The following RTF2 variants were observed in gnomAD, a reference collection of about 807,000 sequenced individuals.
The protein encoded by RTF2 is replication termination factor 2.
In RTF2, 18 loss-of-function variants were observed where a neutral mutation model predicts 38.0. That is an observed-to-expected ratio of 0.47 (90% confidence interval 0.33 to 0.70). The LOEUF is 0.70. Among genes scored for constraint, RTF2 ranks in the 30% least tolerant of loss-of-function variants. RTF2 has a pLI of 0.02. For synonymous variants in RTF2, 126 were observed against 137.1 expected, an observed-to-expected ratio of 0.92 and a Z score of 0.57; for missense variants, 311 against 379.6, an observed-to-expected ratio of 0.82 and a Z score of 1.50.
intron 5 of RTF2, among the ~76,000 whole-genome samples, chr20:56,511,926 G>A (rs534863549): frequency 5.9e-5 from 9 of 151,984 alleles, no homozygotes; most frequent in Admixed American, 1.3e-4. Flanking sequence ...CCTGCCTCTC[G>A]GGTTCAAGCG....
intron 4 of RTF2, among the ~76,000 whole-genome samples, chr20:56,479,282 G>A (rs574357665): frequency 2.1e-4 from 32 of 152,274 alleles, no homozygotes; most frequent in African/African-American, 7.2e-4. Flanking sequence ...CTGGAGTGCA[G>A]TGGCACAATC....
Position 56,518,377 on chromosome 20 carries a change from T to A in RTF2, c.*112T>A, listed in dbSNP as rs1985186103. On this transcript the variant is annotated 3_prime_UTR_variant, in exon 9 of 9. Coordinates refer to ENST00000357348, the MANE Select transcript of RTF2 (RefSeq NM_016407.5). ...GTGTTCTCTCTATAGTTCTGTGTCA[T>A]AAAGCTGTCCTGGCCAGCCTTCAAG... 8.8e-7 allele frequency: 1 copy of A among 1,135,682 alleles called. No individual in the cohort carries two copies. Among genetic ancestry groups the A allele is most frequent in the Non-Finnish European group, 1.2e-6 (1 of 806,568 alleles). The allele number at this position is 1,135,682 out of a possible 1,614,324, so 70.4% of individuals were successfully genotyped here.
At position 56,469,440 on chromosome 20, in the gene RTF2, G is replaced by A. The variant is rs546304950; in HGVS notation, c.69+674G>A. On this transcript the variant is annotated intron_variant, in intron 1 of 8. Transcript: ENST00000357348. Reference sequence around the variant, plus strand: ...TTATAATAATTTCTTTGCTACTGACGGGGACATTGAGTCCAGGGATATTAA... The same window carrying A: ...TTATAATAATTTCTTTGCTACTGACAGGGACATTGAGTCCAGGGATATTAA... Among the ~76,000 whole-genome samples, 3 of 152,272 alleles carry A rather than the reference G, an allele frequency of 2.0e-5. No individual in the cohort carries two copies. In the East Asian group the frequency reaches 5.8e-4, roughly 29 times the overall value.
intron 1 of RTF2, among the ~76,000 whole-genome samples, chr20:56,472,573 C>CT (rs1217091257): frequency 1.6e-5 from 2 of 122,532 alleles, no homozygotes; most frequent in Non-Finnish European, 3.3e-5. Flanking sequence ...TTGTTCTGAA[C>CT]TTTAAAAAAA....
intron 1 of RTF2, 81 bp downstream of exon 1, chr20:56,468,847 G>T: frequency 8.4e-7 from 1 of 1,196,662 alleles, no homozygotes; most frequent in Non-Finnish European, 1.2e-6. Flanking sequence ...AGTAAGAAGG[G>T]GGAGCCAGCG....
chr20:56,497,761 T>G (rs1473341473), intron 5 of RTF2: 1 of 392,558 alleles, frequency 2.5e-6, no homozygotes, highest in Non-Finnish European at 4.4e-6. Context: ...CCCATGAAAC[T>G]GTCATTGCAA....
chr20:56,474,805 C>G (rs765186918), intron 3 of RTF2, 34 bp downstream of exon 3: 4 of 1,341,986 alleles, frequency 3.0e-6, no homozygotes, highest in Middle Eastern at 1.8e-4. Flanking sequence ...CTGTGAGGGT[C>G]TGAACAGTGG....
At chr20:56,475,917 C>A (rs979143385) in intron 3 of RTF2, among the ~76,000 whole-genome samples, 3 of 152,052 alleles carry the variant, frequency 2.0e-5, no homozygotes, top group African/African-American at 7.3e-5. Context: ...TTGTCATTAC[C>A]GTCAATTGAT....
intron 4 of RTF2, among the ~76,000 whole-genome samples, chr20:56,482,243 C>T (rs1489742818): frequency 6.6e-6 from 1 of 152,194 alleles, no homozygotes; most frequent in Non-Finnish European, 1.5e-5. Context: ...CATGGATGCT[C>T]AGGTCTCTGA....
intron 5 of RTF2, among the ~76,000 whole-genome samples, chr20:56,503,733 T>A (rs3787396): frequency 0.37 from 56,948 of 151,930 alleles, 11,353 homozygotes; most frequent in Non-Finnish European, 0.45. Context: ...GAGGCTGAGG[T>A]GGGTGGATCA....
At chr20:56,476,516 T>TTTTA (rs1982251314) in intron 3 of RTF2, among the ~76,000 whole-genome samples, 2 of 151,618 alleles carry the variant, frequency 1.3e-5, no homozygotes, top group Admixed American at 6.6e-5. Context: ...TTTTTTTTTT[T>TTTTA]GAGACGGAGT....
intron 5 of RTF2, among the ~76,000 whole-genome samples, chr20:56,495,678 TG>T (rs1983482148): frequency 6.6e-6 from 1 of 152,176 alleles, no homozygotes; most frequent in Non-Finnish European, 1.5e-5. Context: ...GGAGATTATT[TG>T]AAAATCAAAC....
In RTF2 at chr20:56,472,482, G is replaced by A. The variant is rs2146313299; in HGVS notation, c.70-819G>A. The A allele has an allele frequency of 9.1e-6, 8 of 877,110 alleles. No homozygotes were observed. In the South Asian group the frequency reaches 1.1e-4, roughly 13 times the overall value. 54.3% of individuals were successfully genotyped at this position (877,110 alleles called of 1,614,324 possible). A position where few individuals can be genotyped will look rare whatever the true frequency, so the allele number is the denominator to read the frequency against. On this transcript the variant is annotated intron_variant, in intron 1 of 8. Coordinates refer to ENST00000357348, the MANE Select transcript of RTF2 (RefSeq NM_016407.5). ...TCTGGATTTTCATACTGGGGATAAA[G>A]TTTGATGTATCCCTTAGTGAATAAG...
rs184450661 is a variant in RTF2 at position 56,479,251 on chromosome 20, A to G, written c.398+2127A>G. ...TTGTTTTTTTGTTTTTTTGAGACGG[A>G]GTCCAGCTCTGTTGCCCCGTCTGGA... On this transcript the variant is annotated intron_variant, in intron 4 of 8. Transcript: ENST00000357348. Among the ~76,000 whole-genome samples, 95 of 152,144 alleles carry G rather than the reference A, an allele frequency of 6.2e-4. No individual in the cohort carries two copies. In the East Asian group the frequency reaches 0.017, roughly 28 times the overall value.
intron 5 of RTF2, chr20:56,491,903 A>C (rs1983172207): frequency 1.5e-6 from 1 of 682,376 alleles, no homozygotes; most frequent in Non-Finnish European, 2.5e-6. Flanking sequence ...ACCAGAGTTC[A>C]CATCAAACAG....
At chr20:56,492,090 T>A (rs1277433926) in intron 5 of RTF2, among the ~76,000 whole-genome samples, 4 of 152,116 alleles carry the variant, frequency 2.6e-5, no homozygotes. Flanking sequence ...CTCATTTGCC[T>A]GCTAAAATCT....
At chr20:56,513,678 A>G (rs781022960) in intron 6 of RTF2, 12 of 384,868 alleles carry the variant, frequency 3.1e-5, no homozygotes, top group African/African-American at 6.1e-5. Context: ...ACAGCATGCG[A>G]GGGCACGGAG....
intron 5 of RTF2, among the ~76,000 whole-genome samples, chr20:56,510,259 T>G (rs893808142): frequency 1.3e-5 from 2 of 152,228 alleles, no homozygotes; most frequent in African/African-American, 2.4e-5. Context: ...AACCTGTTTT[T>G]TAAAAAGGCG....
chr20:56,500,343 C>T (rs1291224202), intron 5 of RTF2, among the ~76,000 whole-genome samples: 1 of 152,206 alleles, frequency 6.6e-6, no homozygotes, highest in Non-Finnish European at 1.5e-5. Flanking sequence ...CGTGAGCCAC[C>T]TCGCCCAGCT....
Sources: gnomAD v4.1 joint callset for allele counts (sites outside exome capture counted in the v4.1 genomes callset) on GRCh38, gnomAD v4.1.1 for gene constraint, MANE v1.5 for transcripts, NCBI Gene and HGNC (gene_info 2026-07-23, HGNC 2026-07-21) for gene names.